The following CNTNAP2 variants were observed in gnomAD, a reference collection of about 807,000 sequenced individuals.
The protein encoded by CNTNAP2 is contactin associated protein 2.
Under a neutral mutation model 155.2 loss-of-function variants are expected in CNTNAP2, and 98 were observed. The observed-to-expected ratio is 0.63, with a 90% CI of 0.54 to 0.75. The LOEUF is 0.75. Ranked by LOEUF, CNTNAP2 falls within the 30% of genes least tolerant of loss-of-function variation. CNTNAP2 has a pLI of 0.00. For missense variants in CNTNAP2, 1,727 were observed against 1,688.1 expected, an observed-to-expected ratio of 1.02 and a Z score of -0.40; for synonymous variants, 651 against 631.2, an observed-to-expected ratio of 1.03 and a Z score of -0.47.
intron 1 of CNTNAP2, among the ~76,000 whole-genome samples, chr7:146,308,766 T>C (rs1800766733): frequency 6.6e-6 from 1 of 151,946 alleles, no homozygotes; most frequent in East Asian, 1.9e-4. Flanking sequence ...TGATAGGTGG[T>C]AATTGAACAA....
chr7:147,315,647 A>G (rs888378695), intron 9 of CNTNAP2, among the ~76,000 whole-genome samples: 2 of 151,504 alleles, frequency 1.3e-5, no homozygotes, highest in African/African-American at 4.9e-5. Flanking sequence ...CGCCCGGCTA[A>G]TTTTTTGTAT....
intron 13 of CNTNAP2, among the ~76,000 whole-genome samples, chr7:147,857,596 G>A (rs960696032): frequency 6.6e-6 from 1 of 152,138 alleles, no homozygotes; most frequent in Non-Finnish European, 1.5e-5. Flanking sequence ...ACAACAAATG[G>A]CCAAGAACTT....
intron 1 of CNTNAP2, among the ~76,000 whole-genome samples, chr7:146,560,476 GTA>G (rs539844540): frequency 2.6e-5 from 4 of 151,200 alleles, no homozygotes; most frequent in Non-Finnish European, 5.9e-5. Flanking sequence ...ATGTGTGTGT[GTA>G]TATATATATA....
At chr7:146,940,063 C>G (rs944130497) in intron 3 of CNTNAP2, among the ~76,000 whole-genome samples, 1 of 152,042 alleles carries the variant, frequency 6.6e-6, no homozygotes, top group African/African-American at 2.4e-5. Flanking sequence ...TTAGAAAGTA[C>G]GAAAGGAGTG....
At chr7:146,287,724 C>A (rs1800359892) in intron 1 of CNTNAP2, among the ~76,000 whole-genome samples, 1 of 152,128 alleles carries the variant, frequency 6.6e-6, no homozygotes, top group South Asian at 2.1e-4. Context: ...GTTGATATGA[C>A]AAGATTCTCA....
At chr7:146,891,442 C>T (rs1190056563) in intron 3 of CNTNAP2, among the ~76,000 whole-genome samples, 3 of 151,992 alleles carry the variant, frequency 2.0e-5, no homozygotes, top group Admixed American at 2.0e-4. Context: ...GACAAATTTG[C>T]ACGATGTTTT....
At chr7:147,066,152 A>G (rs1167718195) in intron 4 of CNTNAP2, among the ~76,000 whole-genome samples, 1 of 152,216 alleles carries the variant, frequency 6.6e-6, no homozygotes, top group Non-Finnish European at 1.5e-5. Flanking sequence ...ACACTGACCT[A>G]TTATTTAATT....
chr7:146,325,182 C>T (rs149139215), intron 1 of CNTNAP2, among the ~76,000 whole-genome samples: 4,659 of 152,182 alleles, frequency 0.031, 104 homozygotes, highest in African/African-American at 0.067. Flanking sequence ...CCTCCTGCCT[C>T]AACCTCCCAA....
At chr7:146,566,993 A>C (rs1798367723) in intron 1 of CNTNAP2, among the ~76,000 whole-genome samples, 2 of 152,090 alleles carry the variant, frequency 1.3e-5, no homozygotes, top group Non-Finnish European at 2.9e-5. Context: ...ATAGCAACTG[A>C]CTAGAACTAC....
intron 1 of CNTNAP2, among the ~76,000 whole-genome samples, chr7:146,749,871 T>A (rs1251738737): frequency 6.6e-6 from 1 of 152,176 alleles, no homozygotes; most frequent in East Asian, 1.9e-4. Context: ...ACTTTTTCTG[T>A]CCCTTGTTAT....
intron 13 of CNTNAP2, among the ~76,000 whole-genome samples, chr7:147,780,029 T>A (rs147701502): frequency 6.6e-6 from 1 of 152,356 alleles, no homozygotes; most frequent in East Asian, 1.9e-4. Flanking sequence ...TTCACATACC[T>A]TGTGTAATTC....
chr7:148,400,126 G>C (rs182798708), intron 22 of CNTNAP2, among the ~76,000 whole-genome samples: 2 of 152,328 alleles, frequency 1.3e-5, no homozygotes, highest in Admixed American at 1.3e-4. Context: ...GACTGAGATA[G>C]AAATTGAAGA....
At chr7:146,947,100 C>T (rs1166142608) in intron 3 of CNTNAP2, among the ~76,000 whole-genome samples, 1 of 151,650 alleles carries the variant, frequency 6.6e-6, no homozygotes, top group African/African-American at 2.4e-5. Flanking sequence ...GGCGTGACCT[C>T]AGCTCCCTGT....
At chr7:147,561,012 A>G (rs1044359610) in intron 11 of CNTNAP2, among the ~76,000 whole-genome samples, 4 of 151,872 alleles carry the variant, frequency 2.6e-5, no homozygotes, top group African/African-American at 9.7e-5. Context: ...TTTTTCCAGA[A>G]CCTAATTATT....
chr7:146,637,243 T>C (rs900177051), intron 1 of CNTNAP2, among the ~76,000 whole-genome samples: 10 of 152,330 alleles, frequency 6.6e-5, no homozygotes, highest in Admixed American at 6.5e-4. Context: ...AATAGTGAAG[T>C]TGCAGAAACA....
intron 21 of CNTNAP2, among the ~76,000 whole-genome samples, chr7:148,278,473 G>T (rs1181354419): frequency 6.6e-6 from 1 of 151,568 alleles, no homozygotes; most frequent in Non-Finnish European, 1.5e-5. Flanking sequence ...GGGAGGCTGA[G>T]GCAGGAGAAT....
intron 1 of CNTNAP2, among the ~76,000 whole-genome samples, chr7:146,418,139 G>A (rs1795963258): frequency 6.6e-6 from 1 of 152,182 alleles, no homozygotes; most frequent in Admixed American, 6.5e-5. Flanking sequence ...AGAAGAAGAT[G>A]TGACTTACCT....
intron 3 of CNTNAP2, among the ~76,000 whole-genome samples, chr7:146,884,477 A>C (rs540722809): frequency 2.9e-4 from 44 of 152,276 alleles, no homozygotes; most frequent in African/African-American, 1.0e-3. Context: ...GAAACCTCCC[A>C]GTGCCATCTT....
At position 148,118,095 on chromosome 7, in the gene CNTNAP2, A is replaced by AT. The variant is rs756290919; in HGVS notation, c.2384-16dup. The AT allele has an allele frequency of 2.5e-4, 401 of 1,613,414 alleles. No homozygotes were observed. Among genetic ancestry groups the AT allele is most frequent in the Non-Finnish European group, 3.0e-4 (354 of 1,179,952 alleles). On this transcript the variant is annotated intron_variant, in intron 15 of 23. Transcript: ENST00000361727. The stretch of plus-strand genomic sequence containing the variant: ...GCTGATCAGGGTGTGAGTTAACCTG[A>AT]TTTTTTTGTTTTCTTCCCACAGGGA...
Sources: allele counts gnomAD v4.1 joint callset (sites outside exome capture counted in the v4.1 genomes callset), GRCh38; gene constraint gnomAD v4.1.1; transcripts MANE v1.5; gene names NCBI Gene and HGNC (gene_info 2026-07-23, HGNC 2026-07-21).